CNTN5: variants seen among roughly 807,000 people sequenced by gnomAD.
CNTN5 encodes the protein contactin-5.
CNTN5 carries 77 observed loss-of-function variants against 129.1 expected under a neutral mutation model. The observed-to-expected ratio is 0.60, with a 90% CI of 0.50 to 0.72. The LOEUF is 0.72. Among genes scored for constraint, CNTN5 ranks in the 30% least tolerant of loss-of-function variants. The pLI is 0.00. For synonymous variants in CNTN5, 509 were observed against 465.6 expected (o/e 1.09, Z -1.20); for missense variants, 1,478 against 1,328.8 (o/e 1.11, Z -1.75).
At chr11:99,041,975 T>C (rs1167585663) in intron 1 of CNTN5, among the ~76,000 whole-genome samples, 1 of 152,170 alleles carries the variant, frequency 6.6e-6, no homozygotes, top group African/African-American at 2.4e-5. Flanking sequence ...AAACATTACT[T>C]CCTCTCTCTT....
intron 7 of CNTN5, among the ~76,000 whole-genome samples, chr11:99,943,426 G>C (rs1418190278): frequency 6.6e-6 from 1 of 152,050 alleles, no homozygotes; most frequent in African/African-American, 2.4e-5. Context: ...GTAGATTCTG[G>C]ATATTAGACC....
intron 4 of CNTN5, chr11:99,844,635 C>T (rs563633090): frequency 8.5e-5 from 45 of 529,436 alleles, no homozygotes; most frequent in South Asian, 4.1e-4. Context: ...ATGTATTACA[C>T]GTTTAACAGC....
intron 13 of CNTN5, among the ~76,000 whole-genome samples, chr11:100,129,913 A>G (rs1419113929): frequency 5.3e-5 from 8 of 152,006 alleles, no homozygotes; most frequent in African/African-American, 1.7e-4. Flanking sequence ...TGTGCTAATC[A>G]TTAGTCGTGG....
chr11:100,303,836 TAAAATAC>T (rs1165815608), intron 20 of CNTN5, among the ~76,000 whole-genome samples: 2 of 151,696 alleles, frequency 1.3e-5, no homozygotes, highest in Non-Finnish European at 3.0e-5. Flanking sequence ...ATGTTAGTTG[TAAAATAC>T]AAGAAATAAT....
intron 2 of CNTN5, among the ~76,000 whole-genome samples, chr11:99,496,539 A>C (rs1946234161): frequency 6.6e-6 from 1 of 152,230 alleles, no homozygotes; most frequent in African/African-American, 2.4e-5. Flanking sequence ...TTTCCTATAA[A>C]GTATATGGGA....
chr11:99,940,679 G>T (rs1049987415), intron 7 of CNTN5, among the ~76,000 whole-genome samples: 2 of 152,074 alleles, frequency 1.3e-5, no homozygotes, highest in Non-Finnish European at 2.9e-5. Flanking sequence ...CAGTTATGTT[G>T]TGTTTTAAAA....
At chr11:99,113,438 A>AG (rs940281811) in intron 1 of CNTN5, among the ~76,000 whole-genome samples, 18 of 152,236 alleles carry the variant, frequency 1.2e-4, no homozygotes, top group African/African-American at 3.4e-4. Context: ...AGAATAAGGC[A>AG]GAAAAAAAGG....
chr11:100,108,676 T>G (rs1468215834), intron 13 of CNTN5, among the ~76,000 whole-genome samples: 2 of 152,158 alleles, frequency 1.3e-5, no homozygotes, highest in African/African-American at 4.8e-5. Context: ...CCAGTCCATA[T>G]TTTTATAATA....
intron 8 of CNTN5, among the ~76,000 whole-genome samples, chr11:99,990,062 G>A (rs755283740): frequency 6.6e-6 from 1 of 152,098 alleles, no homozygotes; most frequent in Non-Finnish European, 1.5e-5. Flanking sequence ...ACTGCACCTG[G>A]TCTCTAACAT....
chr11:100,231,379 G>A (rs533391120), intron 16 of CNTN5, among the ~76,000 whole-genome samples: 2 of 152,236 alleles, frequency 1.3e-5, no homozygotes, highest in South Asian at 4.1e-4. Context: ...GAAGGGGTGT[G>A]TATATATTCA....
At chr11:99,646,487 A>G (rs981581027) in intron 3 of CNTN5, among the ~76,000 whole-genome samples, 1 of 152,204 alleles carries the variant, frequency 6.6e-6, no homozygotes, top group African/African-American at 2.4e-5. Flanking sequence ...GGTAAGATGG[A>G]AAAACTCAAG....
At chr11:100,096,797 G>T (rs1293583478) in intron 13 of CNTN5, among the ~76,000 whole-genome samples, 1 of 152,042 alleles carries the variant, frequency 6.6e-6, no homozygotes, top group Admixed American at 6.6e-5. Context: ...ATAATTCCCT[G>T]TGACTCTCCC....
intron 3 of CNTN5, among the ~76,000 whole-genome samples, chr11:99,653,982 T>TA (rs144918513): frequency 0.012 from 1,787 of 149,010 alleles, 36 homozygotes; most frequent in African/African-American, 0.039. Flanking sequence ...TTATTTCTAT[T>TA]AAAAAAAAAA....
At chr11:99,473,574 C>T (rs1156496727) in intron 2 of CNTN5, among the ~76,000 whole-genome samples, 2 of 151,656 alleles carry the variant, frequency 1.3e-5, no homozygotes, top group African/African-American at 4.8e-5. Flanking sequence ...CCTGCGAACA[C>T]TTACAAGATT....
At chr11:100,236,806 TCTC>T (rs1181466527) in intron 16 of CNTN5, among the ~76,000 whole-genome samples, 1 of 152,038 alleles carries the variant, frequency 6.6e-6, no homozygotes, top group Non-Finnish European at 1.5e-5. Context: ...CTCTCACTGA[TCTC>T]CTACAATTGT....
rs561199307 is a variant in CNTN5, at chr11:99,801,510, C to T, written c.56-18034C>T. Among the ~76,000 whole-genome samples the T allele has an allele frequency of 4.6e-5, 7 of 152,274 alleles. No individual in the cohort carries two copies. The East Asian group carries it at 1.3e-3, about 29-fold the overall frequency. On this transcript the variant is annotated intron_variant, in intron 3 of 24. Transcript: ENST00000524871. ...CTATTAGCAACATTTTCTTGAATTACTCTCTTAAATATGTTTTCCAGATAA... is the reference window on the plus strand; with the variant it reads ...CTATTAGCAACATTTTCTTGAATTATTCTCTTAAATATGTTTTCCAGATAA...
At chr11:100,063,731 C>CA (rs1943579493) in intron 10 of CNTN5, among the ~76,000 whole-genome samples, 1 of 113,094 alleles carries the variant, frequency 8.8e-6, no homozygotes, top group Non-Finnish European at 2.0e-5. Flanking sequence ...AAAAAAAATA[C>CA]AAAAAATTAT....
chr11:99,115,692 G>A (rs1043862095), intron 1 of CNTN5, among the ~76,000 whole-genome samples: 4 of 152,192 alleles, frequency 2.6e-5, no homozygotes, highest in South Asian at 2.1e-4. Flanking sequence ...CCTGGAAGGC[G>A]GAGGTTGCAG....
chr11:100,053,083 T>A (rs888620480), intron 9 of CNTN5, among the ~76,000 whole-genome samples: 2 of 151,678 alleles, frequency 1.3e-5, no homozygotes, highest in East Asian at 1.9e-4. Context: ...TAAATGTAAA[T>A]CTCTGTATTC....
Sources: allele counts gnomAD v4.1 joint callset (sites outside exome capture counted in the v4.1 genomes callset), GRCh38; gene constraint gnomAD v4.1.1; transcripts MANE v1.5; gene names NCBI Gene and HGNC (gene_info 2026-07-23, HGNC 2026-07-21).